Variants in WDR49 observed in about 807,000 individuals in gnomAD.
WDR49 encodes WD repeat domain 49.
WDR49 carries 107 observed loss-of-function variants against 119.5 expected under a neutral mutation model. That is an observed-to-expected ratio of 0.90 (90% confidence interval 0.77 to 1.05). The LOEUF (loss-of-function observed/expected upper bound fraction) is 1.05, where lower values mean the gene tolerates loss of function less well. Among genes scored for constraint, WDR49 ranks in the 50% least tolerant of loss-of-function variants. The pLI is 0.00. For missense variants in WDR49, 1,240 were observed against 1,220.5 expected (o/e 1.02, Z -0.24); for synonymous variants, 425 against 418.8 (o/e 1.01, Z -0.18).
intron 18 of WDR49, among the ~76,000 whole-genome samples, chr3:167,494,894 A>C (rs892247778): frequency 2.0e-5 from 3 of 152,160 alleles, no homozygotes; most frequent in Non-Finnish European, 2.9e-5. Flanking sequence ...TAAAAGGAGA[A>C]GCCTAAAGCA....
chr3:167,491,971 G>A (rs1751150189), intron 18 of WDR49, among the ~76,000 whole-genome samples: 1 of 152,160 alleles, frequency 6.6e-6, no homozygotes, highest in South Asian at 2.1e-4. Flanking sequence ...GTTCCAAAGT[G>A]AGAGTTTAGG....
chr3:167,522,615 T>C (rs1752495247), intron 15 of WDR49, 131 bp from the exon 16 acceptor site: 1 of 821,386 alleles, frequency 1.2e-6, no homozygotes, highest in Admixed American at 3.6e-5. Context: ...GAAAAAGATA[T>C]GACTCCGGTC....
At chr3:167,545,514 T>TATATATATATATATATATATATATA in intron 10 of WDR49, among the ~76,000 whole-genome samples, 1 of 141,460 alleles carries the variant, frequency 7.1e-6, no homozygotes, top group African/African-American at 2.6e-5. Flanking sequence ...ATATATTATA[T>TATATATATATATATATATATATATA]ATATATATAT....
At position 167,554,775 on chromosome 3, in the gene WDR49, A is replaced by G. The variant is rs764309972; in HGVS notation, c.1698T>C (p.Cys566=). The G allele has an allele frequency of 1.9e-6, 3 of 1,609,978 alleles. No individual in the cohort carries two copies. The highest frequency in any genetic ancestry group is 3.4e-5 in the Admixed American group (2 of 59,184). ...TVKIWDFNGY[C]HHTLNVGQDG... ...CTTGCCCAACATTTAGTGTATGGTG[A>G]CAATATCCATTGAAGTCCCATATCT... The change falls in exon 10 of 19, where the codon TGT becomes TGC. Residue 566 remains cysteine (C), a synonymous_variant. Coordinates refer to ENST00000682715, the MANE Select transcript of WDR49 (RefSeq NM_001366157.1).
At chr3:167,618,261 A>G (rs956336231) in intron 5 of WDR49, among the ~76,000 whole-genome samples, 1 of 152,194 alleles carries the variant, frequency 6.6e-6, no homozygotes, top group African/African-American at 2.4e-5. Flanking sequence ...AATTTTCAGT[A>G]CCACTGAACA....
rs80356307 is a variant in WDR49 at position 167,523,290 on chromosome 3, T to G, written c.2605-806A>C. ...GTAAATAAAACTCACCCTCAGTTTT[T>G]AAGGCAATAAAAAAATTCAGAGACT... On this transcript the variant is annotated intron_variant, in intron 15 of 18. Coordinates refer to ENST00000682715, the MANE Select transcript of WDR49 (RefSeq NM_001366157.1). Among the ~76,000 whole-genome samples, 29 of 151,542 alleles carry G rather than the reference T, an allele frequency of 1.9e-4. 1 individual carries two copies. The East Asian group carries it at 5.6e-3, about 29-fold the overall frequency.
chr3:167,632,014 A>G (rs971913458), intron 2 of WDR49, among the ~76,000 whole-genome samples: 1 of 152,104 alleles, frequency 6.6e-6, no homozygotes, highest in Admixed American at 6.6e-5. Context: ...TTAGTGATCC[A>G]GATTTTAAGA....
At chr3:167,508,601 T>A (rs1224781603) in intron 16 of WDR49, among the ~76,000 whole-genome samples, 2 of 152,150 alleles carry the variant, frequency 1.3e-5, no homozygotes, top group Non-Finnish European at 2.9e-5. Context: ...AACACCCCCC[T>A]ACAGCAAGCT....
chr3:167,646,516 T>C (rs1278489551), intron 2 of WDR49, among the ~76,000 whole-genome samples: 1 of 152,180 alleles, frequency 6.6e-6, no homozygotes, highest in Non-Finnish European at 1.5e-5. Context: ...AGCAGCATTG[T>C]CCAATGGAAC....
At chr3:167,631,791 C>T (rs1375633317) in intron 2 of WDR49, among the ~76,000 whole-genome samples, 2 of 152,020 alleles carry the variant, frequency 1.3e-5, no homozygotes, top group Non-Finnish European at 2.9e-5. Context: ...AATTTCACAT[C>T]TGTAAAGTAG....
At position 167,492,644 on chromosome 3, in the gene WDR49, G is replaced by A. The variant is rs576049597; in HGVS notation, c.3031+7509C>T. Among the ~76,000 whole-genome samples the A allele has an allele frequency of 2.0e-4, 30 of 152,218 alleles. 1 individual carries two copies. In the South Asian group the frequency reaches 6.2e-3, roughly 32 times the overall value. ...ACAGAAACATTATGATGATAACTAA[G>A]ATGAAGCCTATTTTCAGTTGAGGAA... On this transcript the variant is annotated intron_variant, in intron 18 of 18. Transcript: ENST00000682715.
intron 9 of WDR49, among the ~76,000 whole-genome samples, chr3:167,556,132 A>G (rs1712914027): frequency 6.6e-6 from 1 of 152,228 alleles, no homozygotes; most frequent in South Asian, 2.1e-4. Context: ...TTGTAACTCT[A>G]TCAATCTATT....
chr3:167,582,028 T>A (rs1217972428), intron 7 of WDR49, among the ~76,000 whole-genome samples: 1 of 134,806 alleles, frequency 7.4e-6, no homozygotes, highest in African/African-American at 3.3e-5. Context: ...GTGGGCATGC[T>A]TCCGTGTGTG....
chr3:167,503,419 G>A (rs1444200422), intron 17 of WDR49, among the ~76,000 whole-genome samples: 2 of 152,186 alleles, frequency 1.3e-5, no homozygotes, highest in Non-Finnish European at 1.5e-5. Flanking sequence ...CAAGATGGTG[G>A]TAAGCCTCTT....
chr3:167,624,579 A>G (rs191925882), intron 3 of WDR49, among the ~76,000 whole-genome samples: 6 of 152,164 alleles, frequency 3.9e-5, no homozygotes, highest in Admixed American at 2.6e-4. Context: ...GTTAAAATCT[A>G]TCAGCTTGGG....
intron 7 of WDR49, among the ~76,000 whole-genome samples, chr3:167,587,077 T>C (rs1015155460): frequency 6.6e-6 from 1 of 152,180 alleles, no homozygotes; most frequent in Non-Finnish European, 1.5e-5. Flanking sequence ...TATCATTTAG[T>C]TGATAGTTAT....
chr3:167,543,724 T>C (rs188419225), intron 10 of WDR49, among the ~76,000 whole-genome samples: 3 of 151,942 alleles, frequency 2.0e-5, no homozygotes, highest in East Asian at 1.9e-4. Flanking sequence ...ACCCTGAGAA[T>C]TGAAACAAGA....
chr3:167,498,392 G>A (rs1751439105), intron 18 of WDR49, among the ~76,000 whole-genome samples: 1 of 152,142 alleles, frequency 6.6e-6, no homozygotes, highest in African/African-American at 2.4e-5. Flanking sequence ...GGGCCTGAGG[G>A]TTGGAGCTTA....
chr3:167,482,232 A>G (rs367720935), intron 18 of WDR49, among the ~76,000 whole-genome samples: 16 of 152,320 alleles, frequency 1.1e-4, no homozygotes, highest in Middle Eastern at 3.4e-3. Flanking sequence ...CAATGCCTAC[A>G]AGATAATCAG....
Sources: allele counts gnomAD v4.1 joint callset (sites outside exome capture counted in the v4.1 genomes callset), GRCh38; gene constraint gnomAD v4.1.1; transcripts MANE v1.5; gene names NCBI Gene and HGNC (gene_info 2026-07-23, HGNC 2026-07-21).